The following AGBL4 variants were observed in gnomAD, a reference collection of about 807,000 sequenced individuals.
AGBL4 encodes AGBL carboxypeptidase 4.
Under a neutral mutation model 66.4 loss-of-function variants are expected in AGBL4, and 58 were observed. That is an observed-to-expected ratio of 0.87 (90% CI 0.71 to 1.09). AGBL4 has a LOEUF of 1.09. Among genes scored for constraint, AGBL4 ranks in the 50% least tolerant of loss-of-function variants. AGBL4 has a pLI of 0.00. For missense variants in AGBL4, 579 were observed against 631.0 expected, an observed-to-expected ratio of 0.92 and a Z score of 0.88; for synonymous variants, 234 against 222.9, an observed-to-expected ratio of 1.05 and a Z score of -0.44.
chr1:49,804,015 C>T (rs1475818316), intron 2 of AGBL4, among the ~76,000 whole-genome samples: 2 of 152,122 alleles, frequency 1.3e-5, no homozygotes, highest in Non-Finnish European at 2.9e-5. Context: ...AAGTGTGCTG[C>T]TAATTGCTAA....
chr1:48,606,306 A>C (rs150096495), intron 9 of AGBL4, among the ~76,000 whole-genome samples: 1 of 152,072 alleles, frequency 6.6e-6, no homozygotes, highest in Non-Finnish European at 1.5e-5. Context: ...CTGGAGGAGG[A>C]TTTGCTCATT....
At chr1:49,230,517 G>A (rs986081259) in intron 4 of AGBL4, among the ~76,000 whole-genome samples, 5 of 152,016 alleles carry the variant, frequency 3.3e-5, no homozygotes, top group African/African-American at 4.8e-5. Context: ...TGTCTCATCC[G>A]CTTTGTTTTT....
At chr1:48,885,240 C>T (rs991656869) in intron 5 of AGBL4, among the ~76,000 whole-genome samples, 3 of 152,104 alleles carry the variant, frequency 2.0e-5, no homozygotes, top group Non-Finnish European at 4.4e-5. Context: ...TGTGAAATTC[C>T]AACTGCAATG....
intron 1 of AGBL4, among the ~76,000 whole-genome samples, chr1:49,943,380 G>C (rs970016383): frequency 6.6e-6 from 1 of 152,088 alleles, no homozygotes; most frequent in African/African-American, 2.4e-5. Flanking sequence ...AATCAGGAAA[G>C]CCAAGAGAAC....
At chr1:49,979,998 TCTTC>T (rs1427890596) in intron 1 of AGBL4, among the ~76,000 whole-genome samples, 1 of 152,208 alleles carries the variant, frequency 6.6e-6, no homozygotes, top group Non-Finnish European at 1.5e-5. Flanking sequence ...ATGTATTTTC[TCTTC>T]CTTATGATTT....
intron 1 of AGBL4, among the ~76,000 whole-genome samples, chr1:49,969,169 A>G (rs1657833498): frequency 1.3e-5 from 2 of 152,210 alleles, no homozygotes; most frequent in Non-Finnish European, 2.9e-5. Context: ...TTAAAATAAG[A>G]ACAGTATTTC....
At chr1:49,498,131 ATGT>A (rs1485438516) in intron 3 of AGBL4, among the ~76,000 whole-genome samples, 2 of 151,474 alleles carry the variant, frequency 1.3e-5, no homozygotes, top group Non-Finnish European at 2.9e-5. Flanking sequence ...TTTTTTGTAG[ATGT>A]TGTAAAAGAG....
At chr1:49,813,465 C>T (rs559288989) in intron 2 of AGBL4, among the ~76,000 whole-genome samples, 67 of 152,184 alleles carry the variant, frequency 4.4e-4, no homozygotes, top group South Asian at 3.5e-3. Flanking sequence ...TCTCAGCCCT[C>T]GTCTCCTGAC....
At chr1:48,713,694 A>G (rs1647002619) in intron 6 of AGBL4, among the ~76,000 whole-genome samples, 1 of 152,184 alleles carries the variant, frequency 6.6e-6, no homozygotes, top group African/African-American at 2.4e-5. Context: ...TCAAGGCTCT[A>G]AGGAGGACCC....
At chr1:49,194,730 C>G (rs145503598) in intron 4 of AGBL4, among the ~76,000 whole-genome samples, 2 of 152,060 alleles carry the variant, frequency 1.3e-5, no homozygotes, top group African/African-American at 4.8e-5. Flanking sequence ...GGACTGTACA[C>G]AGTTTACTTT....
intron 5 of AGBL4, among the ~76,000 whole-genome samples, chr1:48,935,552 T>C (rs1030579334): frequency 2.0e-5 from 3 of 152,134 alleles, no homozygotes; most frequent in Non-Finnish European, 4.4e-5. Context: ...GTAATTTACC[T>C]GACTTCATCT....
At chr1:49,250,818 C>A (rs1651997680) in intron 3 of AGBL4, among the ~76,000 whole-genome samples, 1 of 152,078 alleles carries the variant, frequency 6.6e-6, no homozygotes, top group African/African-American at 2.4e-5. Flanking sequence ...GGAACTCTGG[C>A]AGGAGGAGAA....
At chr1:49,514,082 T>G (rs1649528507) in intron 3 of AGBL4, among the ~76,000 whole-genome samples, 1 of 151,466 alleles carries the variant, frequency 6.6e-6, no homozygotes, top group Non-Finnish European at 1.5e-5. Context: ...ATCCTGAGAC[T>G]TTGCTGAAGT....
chr1:49,939,108 T>A (rs1654456475), intron 1 of AGBL4, among the ~76,000 whole-genome samples: 1 of 151,902 alleles, frequency 6.6e-6, no homozygotes, highest in South Asian at 2.1e-4. Context: ...CACAATTGCT[T>A]CAAAGAGAAT....
intron 6 of AGBL4, among the ~76,000 whole-genome samples, chr1:48,675,411 T>A (rs1646349260): frequency 6.6e-6 from 1 of 152,254 alleles, no homozygotes. Flanking sequence ...TGTGATGGTT[T>A]ATTTTCTCAG....
chr1:49,446,957 C>T (rs570407076), intron 3 of AGBL4, among the ~76,000 whole-genome samples: 3 of 152,228 alleles, frequency 2.0e-5, no homozygotes, highest in African/African-American at 7.2e-5. Context: ...GCAGGGACCC[C>T]ATCCTTCATC....
At chr1:48,842,783 G>A (rs1646833699) in intron 6 of AGBL4, among the ~76,000 whole-genome samples, 1 of 152,088 alleles carries the variant, frequency 6.6e-6, no homozygotes, top group Non-Finnish European at 1.5e-5. Context: ...TCCATCGAGG[G>A]ATGAATAGAT....
intron 1 of AGBL4, among the ~76,000 whole-genome samples, chr1:50,021,721 G>A (rs563450038): frequency 6.6e-6 from 1 of 152,162 alleles, no homozygotes; most frequent in South Asian, 2.1e-4. Context: ...TCTCCTCAAT[G>A]TAGCTGGTGG....
At chr1:49,796,185 A>C (rs1472149683) in intron 2 of AGBL4, among the ~76,000 whole-genome samples, 1 of 151,970 alleles carries the variant, frequency 6.6e-6, no homozygotes, top group Admixed American at 6.6e-5. Flanking sequence ...TTTAACTTTA[A>C]CAATGGTATA....
Sources: gnomAD v4.1 joint callset for allele counts (sites outside exome capture counted in the v4.1 genomes callset) on GRCh38, gnomAD v4.1.1 for gene constraint, MANE v1.5 for transcripts, NCBI Gene and HGNC (gene_info 2026-07-23, HGNC 2026-07-21) for gene names.